Variants in COA7 observed in about 807,000 individuals in gnomAD.
The protein encoded by COA7 is cytochrome c oxidase assembly factor 7.
Under a neutral mutation model 21.0 loss-of-function variants are expected in COA7, and 12 were observed. The observed-to-expected ratio is 0.57, with a 90% CI of 0.37 to 0.92. COA7 has a LOEUF of 0.92. Among genes scored for constraint, COA7 ranks in the 40% least tolerant of loss-of-function variants. The pLI is 0.01. For missense variants in COA7, 240 were observed against 286.1 expected (o/e 0.84, Z 1.16); for synonymous variants, 95 against 107.4 (o/e 0.88, Z 0.72).
chr1:52,688,077 G>A lies in COA7; in HGVS notation c.339C>T (p.Asn113=), dbSNP rs769532582. The A allele has an allele frequency of 5.0e-6, 8 of 1,613,948 alleles. No individual in the cohort carries two copies. The East Asian group carries it at 8.9e-5, about 18-fold the overall frequency. Residue 113 remains asparagine (N), a synonymous_variant, in exon 3 of 3, where the codon AAC becomes AAT. Coordinates refer to ENST00000371538, the MANE Select transcript of COA7 (RefSeq NM_023077.3). ...PGKKSIAACH[N]VGLLAHDGQV... Reference sequence around the variant, plus strand: ...GTCCATCATGTGCCAGGAGGCCAACGTTGTGACATGCTGCTATTGACTTCT... The same window carrying A: ...GTCCATCATGTGCCAGGAGGCCAACATTGTGACATGCTGCTATTGACTTCT...
intron 1 of COA7, among the ~76,000 whole-genome samples, chr1:52,693,551 G>T (rs385111): frequency 1.3e-5 from 2 of 149,892 alleles, no homozygotes; most frequent in Admixed American, 6.6e-5. Flanking sequence ...GGTTGCGGCG[G>T]GCCGAGATCA....
At chr1:52,689,070 G>A (rs970218148) in intron 2 of COA7, among the ~76,000 whole-genome samples, 1 of 152,058 alleles carries the variant, frequency 6.6e-6, no homozygotes, top group African/African-American at 2.4e-5. Context: ...AGTCAAGATT[G>A]TCCAACCCAT....
At chr1:52,697,311 AC>A (rs1455727070) in intron 1 of COA7, among the ~76,000 whole-genome samples, 2 of 152,164 alleles carry the variant, frequency 1.3e-5, no homozygotes, top group Admixed American at 6.6e-5. Context: ...CTCTGGGTGG[AC>A]CCCTCTGGTC....
chr1:52,688,812 C>T (rs756240250), intron 2 of COA7, among the ~76,000 whole-genome samples: 1 of 152,142 alleles, frequency 6.6e-6, no homozygotes, highest in African/African-American at 2.4e-5. Context: ...GAAACTCAAA[C>T]AGGTAAAGGA....
chr1:52,698,178 G>A (rs774997553), intron 1 of COA7, 43 bp downstream of exon 1: 49 of 1,407,646 alleles, frequency 3.5e-5, no homozygotes, highest in Non-Finnish European at 4.4e-5. Flanking sequence ...CTCCGGGCAC[G>A]TCCCTCCCCG....
intron 2 of COA7, among the ~76,000 whole-genome samples, chr1:52,688,539 C>T (rs373134397): frequency 1.3e-5 from 2 of 152,186 alleles, no homozygotes; most frequent in African/African-American, 4.8e-5. Context: ...TGAGCCACCA[C>T]ACCTGGCCAA....
At chr1:52,695,921 T>A (rs1255945831) in intron 1 of COA7, among the ~76,000 whole-genome samples, 5 of 152,198 alleles carry the variant, frequency 3.3e-5, no homozygotes, top group Non-Finnish European at 2.9e-5. Context: ...GAGCAAAGTC[T>A]ATATTCCTTA....
chr1:52,692,614 A>G, intron 2 of COA7, 113 bp downstream of exon 2: 1 of 1,220,952 alleles, frequency 8.2e-7, no homozygotes, highest in Non-Finnish European at 1.2e-6. Context: ...ATCTTCCTAC[A>G]ATGCACTTTC....
At chr1:52,695,511 AC>A (rs1644077979) in intron 1 of COA7, among the ~76,000 whole-genome samples, 1 of 150,586 alleles carries the variant, frequency 6.6e-6, no homozygotes, top group African/African-American at 2.4e-5. Context: ...AAACAACCCC[AC>A]CCCCCAACAA....
At position 52,687,690 on chromosome 1, in the gene COA7, T is replaced by A. The variant is rs112220381; in HGVS notation, c.*30A>T. 1.3e-6 allele frequency: 2 copies of A among 1,596,848 alleles called. No individual in the cohort carries two copies. The highest frequency in any genetic ancestry group is 1.7e-6 in the Non-Finnish European group (2 of 1,168,008). On this transcript the variant is annotated 3_prime_UTR_variant, in exon 3 of 3. Coordinates refer to ENST00000371538, the MANE Select transcript of COA7 (RefSeq NM_023077.3). ...AACAGGAGCTGCCAGCCTCAAGCAG[T>A]TTGTTGCCTGGGAGGGAGGGTGGAC...
intron 1 of COA7, among the ~76,000 whole-genome samples, chr1:52,693,296 G>C (rs1312044540): frequency 6.6e-6 from 1 of 151,766 alleles, no homozygotes; most frequent in Non-Finnish European, 1.5e-5. Context: ...AAGGGTGCTG[G>C]GCCAGGCTCG....
Position 52,684,999 on chromosome 1 carries a change from C to G in COA7, c.*2721G>C, listed in dbSNP as rs944945901. 1 of 152,182 alleles carries G rather than the reference C, an allele frequency of 6.6e-6. No individual in the cohort carries two copies. The highest frequency in any genetic ancestry group is 2.4e-5 in the African/African-American group (1 of 41,424). 9.4% of individuals were successfully genotyped at this position (152,182 alleles called of 1,614,324 possible). On this transcript the variant is annotated 3_prime_UTR_variant, in exon 3 of 3. Coordinates refer to ENST00000371538, the MANE Select transcript of COA7 (RefSeq NM_023077.3). ...AAGCACTGAATAATGACTACATGCA[C>G]CACAATTTATTTACCCATTTACCTA...
chr1:52,693,002 G>T, intron 1 of COA7, 135 bp from the exon 2 acceptor site: 1 of 882,464 alleles, frequency 1.1e-6, no homozygotes, highest in Non-Finnish European at 1.8e-6. Flanking sequence ...CTGATGTGTG[G>T]CAAGTTGGCC....
intron 1 of COA7, among the ~76,000 whole-genome samples, chr1:52,695,824 G>A (rs1316833019): frequency 6.6e-6 from 1 of 152,088 alleles, no homozygotes; most frequent in Non-Finnish European, 1.5e-5. Flanking sequence ...GTCTCGTAAA[G>A]TGCTGCAGCC....
chr1:52,691,211 T>A (rs1644043932), intron 2 of COA7, among the ~76,000 whole-genome samples: 1 of 151,588 alleles, frequency 6.6e-6, no homozygotes, highest in African/African-American at 2.4e-5. Flanking sequence ...AGGCCAGGAG[T>A]TTGAGACCAG....
At chr1:52,690,612 A>G (rs1472783133) in intron 2 of COA7, among the ~76,000 whole-genome samples, 1 of 152,140 alleles carries the variant, frequency 6.6e-6, no homozygotes, top group African/African-American at 2.4e-5. Context: ...TAGGGCTATC[A>G]AGAGTTTAGA....
At chr1:52,696,167 G>T (rs1425145002) in intron 1 of COA7, among the ~76,000 whole-genome samples, 1 of 152,000 alleles carries the variant, frequency 6.6e-6, no homozygotes, top group African/African-American at 2.4e-5. Flanking sequence ...AGCTCTCAAA[G>T]AACAACCCCA....
chr1:52,685,285 GTCGGTGCTTT>G lies in COA7; in HGVS notation c.*2425_*2434del, dbSNP rs1643992872. The G allele has an allele frequency of 6.6e-6, 1 of 152,230 alleles. No homozygotes were observed. Among genetic ancestry groups the G allele is most frequent in the African/African-American group, 2.4e-5 (1 of 41,448 alleles). 9.4% of individuals were successfully genotyped at this position (152,230 alleles called of 1,614,324 possible). On this transcript the variant is annotated 3_prime_UTR_variant, in exon 3 of 3. Transcript: ENST00000371538. ...TCCAACTTTCCCAGCATTTCATGCT[GTCGGTGCTTT>G]GGATTTTGGCCATTCTAATAGTTGT...
chr1:52,689,165 T>C (rs901578491), intron 2 of COA7, among the ~76,000 whole-genome samples: 1 of 151,708 alleles, frequency 6.6e-6, no homozygotes, highest in Non-Finnish European at 1.5e-5. Flanking sequence ...TTATTATTTT[T>C]TTTTTTTTGA....
Sources: allele counts gnomAD v4.1 joint callset (sites outside exome capture counted in the v4.1 genomes callset), GRCh38; gene constraint gnomAD v4.1.1; transcripts MANE v1.5; gene names NCBI Gene and HGNC (gene_info 2026-07-23, HGNC 2026-07-21).